The following PCDH9 variants were observed in gnomAD, a reference collection of about 807,000 sequenced individuals.
PCDH9 encodes protocadherin 9.
A neutral mutation model predicts 70.6 loss-of-function variants in PCDH9; 24 were observed. The ratio of observed to expected loss-of-function variants is 0.34; its 90% CI spans 0.25 to 0.48. The LOEUF is 0.48. Ranked by LOEUF, PCDH9 falls within the 20% of genes least tolerant of loss-of-function variation. PCDH9 has a pLI of 0.99. For missense variants in PCDH9, 1,281 were observed against 1,503.6 expected (o/e 0.85, Z 2.45); for synonymous variants, 562 against 558.5 (o/e 1.01, Z -0.09).
intron 3 of PCDH9, among the ~76,000 whole-genome samples, chr13:66,725,093 C>T (rs2078988685): frequency 6.6e-6 from 1 of 152,066 alleles, no homozygotes; most frequent in Non-Finnish European, 1.5e-5. Flanking sequence ...CAAAAATACA[C>T]CCCCACACTC....
At chr13:66,844,930 A>G (rs1394170703) in intron 3 of PCDH9, among the ~76,000 whole-genome samples, 1 of 152,192 alleles carries the variant, frequency 6.6e-6, no homozygotes, top group Admixed American at 6.5e-5. Context: ...TTGCTTCACC[A>G]GCCAGAAAAC....
At chr13:66,963,489 G>A (rs995149977) in intron 2 of PCDH9, among the ~76,000 whole-genome samples, 1 of 152,082 alleles carries the variant, frequency 6.6e-6, no homozygotes, top group African/African-American at 2.4e-5. Context: ...AGGTTCCAAC[G>A]GGAATCTAAT....
chr13:66,736,123 ATAAT>A (rs2139186479), intron 3 of PCDH9, among the ~76,000 whole-genome samples: 1 of 152,250 alleles, frequency 6.6e-6, no homozygotes, highest in South Asian at 2.1e-4. Flanking sequence ...GCATACTATG[ATAAT>A]TAATATATTT....
intron 3 of PCDH9, among the ~76,000 whole-genome samples, chr13:66,794,964 C>T (rs541919715): frequency 6.5e-4 from 60 of 92,582 alleles, no homozygotes; most frequent in African/African-American, 2.1e-3. Flanking sequence ...CTAACCCAAA[C>T]GGACACACAC....
intron 3 of PCDH9, among the ~76,000 whole-genome samples, chr13:66,819,398 C>A (rs1237422008): frequency 6.6e-6 from 1 of 151,720 alleles, no homozygotes; most frequent in Non-Finnish European, 1.5e-5. Flanking sequence ...CTTGGAAGGA[C>A]CTTAGAGAAG....
At chr13:66,543,234 G>A (rs1961040538) in intron 4 of PCDH9, among the ~76,000 whole-genome samples, 1 of 152,016 alleles carries the variant, frequency 6.6e-6, no homozygotes, top group Admixed American at 6.6e-5. Context: ...ATAATCAGCA[G>A]TATATATAAC....
chr13:67,141,493 T>C (rs2087387177), intron 2 of PCDH9, among the ~76,000 whole-genome samples: 2 of 151,900 alleles, frequency 1.3e-5, no homozygotes, highest in African/African-American at 4.8e-5. Flanking sequence ...CAGGCTGGAG[T>C]GCAGTGGCGC....
chr13:66,742,423 A>C (rs1409359861), intron 3 of PCDH9, among the ~76,000 whole-genome samples: 145 of 127,160 alleles, frequency 1.1e-3, no homozygotes, highest in Admixed American at 1.9e-3. Flanking sequence ...CATTCAGGAC[A>C]TAGGCATGGG....
chr13:66,475,690 C>G (rs1022684864), intron 4 of PCDH9, among the ~76,000 whole-genome samples: 1 of 152,040 alleles, frequency 6.6e-6, no homozygotes, highest in Non-Finnish European at 1.5e-5. Flanking sequence ...AATGAACCCT[C>G]AAAATGGTCT....
intron 2 of PCDH9, among the ~76,000 whole-genome samples, chr13:67,045,925 C>T (rs2085213678): frequency 6.6e-6 from 1 of 151,812 alleles, no homozygotes; most frequent in South Asian, 2.1e-4. Context: ...CTCTTTATCC[C>T]TTTCCCTTCC....
chr13:66,765,941 G>T (rs755030141), intron 3 of PCDH9, among the ~76,000 whole-genome samples: 54 of 151,866 alleles, frequency 3.6e-4, no homozygotes, highest in Non-Finnish European at 6.3e-4. Flanking sequence ...ATCTTTGTTA[G>T]CTTCTTACTT....
At chr13:66,552,924 C>T (rs141712326) in intron 4 of PCDH9, among the ~76,000 whole-genome samples, 364 of 152,176 alleles carry the variant, frequency 2.4e-3, no homozygotes, top group African/African-American at 8.4e-3. Context: ...GCAAACACGT[C>T]CTTCTTCACA....
intron 2 of PCDH9, among the ~76,000 whole-genome samples, chr13:66,979,441 C>A (rs1222983467): frequency 6.6e-6 from 1 of 152,128 alleles, no homozygotes. Context: ...GTGAAGATAT[C>A]TGTCTTCCTA....
intron 2 of PCDH9, among the ~76,000 whole-genome samples, chr13:67,111,761 T>C (rs2086663733): frequency 6.6e-6 from 1 of 152,146 alleles, no homozygotes. Context: ...GAAGACAAAA[T>C]GTAAATGTAA....
At chr13:67,185,905 T>C (rs550202663) in intron 2 of PCDH9, among the ~76,000 whole-genome samples, 2 of 152,130 alleles carry the variant, frequency 1.3e-5, no homozygotes, top group East Asian at 3.9e-4. Flanking sequence ...GCTAATTTTG[T>C]ATTTTTAGTA....
chr13:66,726,572 G>T (rs187943484), intron 3 of PCDH9, among the ~76,000 whole-genome samples: 18 of 152,206 alleles, frequency 1.2e-4, no homozygotes, highest in South Asian at 2.1e-4. Context: ...TCTCTGTGAG[G>T]CCCAGATGTT....
intron 3 of PCDH9, among the ~76,000 whole-genome samples, chr13:66,754,481 G>A (rs1326435927): frequency 6.6e-6 from 1 of 151,974 alleles, no homozygotes; most frequent in Admixed American, 6.6e-5. Context: ...GTAGGATCAG[G>A]GAAGAGGCGA....
chr13:66,734,809 TG>T (rs1001056855), intron 3 of PCDH9, among the ~76,000 whole-genome samples: 2 of 152,100 alleles, frequency 1.3e-5, no homozygotes, highest in Non-Finnish European at 1.5e-5. Context: ...ATTTTCCAAG[TG>T]GAAGAGAAAT....
intron 2 of PCDH9, among the ~76,000 whole-genome samples, chr13:66,935,019 C>A (rs2082892748): frequency 6.6e-6 from 1 of 151,732 alleles, no homozygotes; most frequent in African/African-American, 2.4e-5. Context: ...CGCGCCCGGC[C>A]GTGTTTGCAT....
Sources: gnomAD v4.1 joint callset for allele counts (sites outside exome capture counted in the v4.1 genomes callset) on GRCh38, gnomAD v4.1.1 for gene constraint, MANE v1.5 for transcripts, NCBI Gene and HGNC (gene_info 2026-07-23, HGNC 2026-07-21) for gene names.